PLPPR1: variants seen among roughly 807,000 people sequenced by gnomAD.
PLPPR1 encodes phospholipid phosphatase-related protein type 1.
PLPPR1 carries 10 observed loss-of-function variants against 33.1 expected under a neutral mutation model. The ratio of observed to expected loss-of-function variants is 0.30; its 90% CI spans 0.19 to 0.51. The LOEUF is 0.51. PLPPR1 is among the 20% of genes least tolerant of loss of function. PLPPR1 has a pLI of 0.97. For synonymous variants in PLPPR1, 151 were observed against 151.0 expected (o/e 1.00, Z 0.00); for missense variants, 304 against 408.1 (o/e 0.74, Z 2.20).
At chr9:101,092,944 G>C (rs570943103) in intron 1 of PLPPR1, among the ~76,000 whole-genome samples, 15 of 152,160 alleles carry the variant, frequency 9.9e-5, no homozygotes, top group Non-Finnish European at 2.2e-4. Flanking sequence ...GTGAGAAAAT[G>C]ACCATCTGCA....
chr9:101,263,282 T>G (rs1827933144), intron 2 of PLPPR1, among the ~76,000 whole-genome samples: 2 of 152,226 alleles, frequency 1.3e-5, no homozygotes, highest in African/African-American at 4.8e-5. Flanking sequence ...ACCAGAAGTA[T>G]TCTGCTTATC....
chr9:101,082,373 G>C (rs1343510779), intron 1 of PLPPR1, among the ~76,000 whole-genome samples: 1 of 151,994 alleles, frequency 6.6e-6, no homozygotes, highest in Non-Finnish European at 1.5e-5. Context: ...GAGAGTGAGG[G>C]GGTGTTGGGG....
At chr9:101,202,166 A>C (rs780533223) in intron 2 of PLPPR1, among the ~76,000 whole-genome samples, 2 of 152,200 alleles carry the variant, frequency 1.3e-5, no homozygotes, top group Non-Finnish European at 2.9e-5. Context: ...TTGTATAAGC[A>C]ATCACAAATT....
chr9:101,106,436 G>T (rs1830971765), intron 1 of PLPPR1, among the ~76,000 whole-genome samples: 1 of 126,090 alleles, frequency 7.9e-6, no homozygotes, highest in Non-Finnish European at 1.6e-5. Context: ...ATGAAATTCT[G>T]GGTTGAAAAT....
chr9:101,299,368 G>A (rs796138497), intron 4 of PLPPR1, among the ~76,000 whole-genome samples: 26 of 152,312 alleles, frequency 1.7e-4, no homozygotes, highest in African/African-American at 6.0e-4. Flanking sequence ...AGGGGAGGAA[G>A]GATGCTGAAG....
At chr9:101,302,076 C>G (rs1333454762) in intron 4 of PLPPR1, among the ~76,000 whole-genome samples, 1 of 152,130 alleles carries the variant, frequency 6.6e-6, no homozygotes, top group Non-Finnish European at 1.5e-5. Context: ...TGTTTGTAAC[C>G]CAAGCTCCTC....
chr9:101,235,878 A>G (rs1311499735), intron 2 of PLPPR1, among the ~76,000 whole-genome samples: 1 of 151,848 alleles, frequency 6.6e-6, no homozygotes, highest in Non-Finnish European at 1.5e-5. Context: ...GCAGCTATGA[A>G]GTTATTCCAT....
chr9:101,263,072 T>G (rs10113979), intron 2 of PLPPR1, among the ~76,000 whole-genome samples: 77,474 of 151,918 alleles, frequency 0.51, 21,415 homozygotes, highest in African/African-American at 0.74. Context: ...GTTGATGGGT[T>G]CAGCAAACCA....
intron 4 of PLPPR1, among the ~76,000 whole-genome samples, chr9:101,301,587 T>C (rs1176295560): frequency 6.6e-6 from 1 of 152,198 alleles, no homozygotes; most frequent in East Asian, 1.9e-4. Flanking sequence ...TTGGTGTTTG[T>C]GCAGTATCGA....
At chr9:101,082,534 C>T (rs1830633726) in intron 1 of PLPPR1, among the ~76,000 whole-genome samples, 1 of 152,168 alleles carries the variant, frequency 6.6e-6, no homozygotes, top group South Asian at 2.1e-4. Flanking sequence ...AGAAAGCTAT[C>T]TTTGCCATGC....
At chr9:101,164,915 T>C (rs1198468319) in intron 1 of PLPPR1, among the ~76,000 whole-genome samples, 2 of 152,132 alleles carry the variant, frequency 1.3e-5, no homozygotes, top group Non-Finnish European at 2.9e-5. Context: ...TCAGAGTCTT[T>C]TGCAGATATG....
intron 2 of PLPPR1, among the ~76,000 whole-genome samples, chr9:101,201,425 A>G (rs1399132929): frequency 6.6e-6 from 1 of 152,182 alleles, no homozygotes; most frequent in Non-Finnish European, 1.5e-5. Flanking sequence ...TTGAAGCTAA[A>G]ATATAGTATG....
chr9:101,097,067 G>A (rs555115270), intron 1 of PLPPR1, among the ~76,000 whole-genome samples: 1 of 152,284 alleles, frequency 6.6e-6, no homozygotes, highest in South Asian at 2.1e-4. Flanking sequence ...GACATCATCT[G>A]AACAGGCAGG....
At chr9:101,141,989 T>A (rs1338698495) in intron 1 of PLPPR1, among the ~76,000 whole-genome samples, 3 of 152,176 alleles carry the variant, frequency 2.0e-5, no homozygotes, top group African/African-American at 7.2e-5. Context: ...TTGGGCCCAA[T>A]TGGTTCTCCC....
intron 1 of PLPPR1, among the ~76,000 whole-genome samples, chr9:101,145,012 T>C (rs1831503380): frequency 6.6e-6 from 1 of 152,122 alleles, no homozygotes; most frequent in Admixed American, 6.6e-5. Context: ...ACCTATCATA[T>C]AGTGTTTGTC....
chr9:101,106,457 A>C (rs1254545734), intron 1 of PLPPR1, among the ~76,000 whole-genome samples: 1 of 116,434 alleles, frequency 8.6e-6, no homozygotes, highest in Admixed American at 8.5e-5. Context: ...TCTTTCCTTT[A>C]AGAATGTTGA....
chr9:101,040,853 A>C (rs969292743), intron 1 of PLPPR1, among the ~76,000 whole-genome samples: 8 of 152,208 alleles, frequency 5.3e-5, no homozygotes, highest in African/African-American at 9.7e-5. Context: ...TTATACCTCC[A>C]AGACCTAGAA....
chr9:101,281,417 A>G (rs1205429612), intron 3 of PLPPR1, among the ~76,000 whole-genome samples: 5 of 152,188 alleles, frequency 3.3e-5, no homozygotes, highest in South Asian at 4.1e-4. Context: ...TAATTCTGAC[A>G]TTTATATGAC....
intron 5 of PLPPR1, among the ~76,000 whole-genome samples, chr9:101,312,445 C>T (rs1052684310): frequency 2.0e-5 from 3 of 152,198 alleles, no homozygotes; most frequent in Non-Finnish European, 4.4e-5. Context: ...CTCAGACTCT[C>T]ATATGGATTT....
Sources: gnomAD v4.1 joint callset for allele counts (sites outside exome capture counted in the v4.1 genomes callset) on GRCh38, gnomAD v4.1.1 for gene constraint, MANE v1.5 for transcripts, NCBI Gene and HGNC (gene_info 2026-07-23, HGNC 2026-07-21) for gene names.